Variants in EYS observed in about 807,000 individuals in gnomAD.
EYS encodes EGF-like photoreceptor maintenance factor, also known as protein eyes shut homolog.
EYS carries 250 observed loss-of-function variants against 282.1 expected under a neutral mutation model. That is an observed-to-expected ratio of 0.89 (90% CI 0.80 to 0.98). The LOEUF (loss-of-function observed/expected upper bound fraction) is 0.98, where lower values mean the gene tolerates loss of function less well. Among genes scored for constraint, EYS ranks in the 50% least tolerant of loss-of-function variants. The pLI is 0.00. For missense variants in EYS, 4,016 were observed against 3,709.0 expected (o/e 1.08, Z -2.15); for synonymous variants, 1,355 against 1,282.9 (o/e 1.06, Z -1.20).
intron 29 of EYS, among the ~76,000 whole-genome samples, chr6:64,324,875 A>T (rs1223002410): frequency 6.6e-6 from 1 of 152,198 alleles, no homozygotes; most frequent in African/African-American, 2.4e-5. Flanking sequence ...GTAACCACAA[A>T]GAAAATGAAA....
chr6:65,392,977 G>T (rs558312339), intron 7 of EYS, among the ~76,000 whole-genome samples: 89 of 152,240 alleles, frequency 5.8e-4, no homozygotes, highest in African/African-American at 1.9e-3. Flanking sequence ...ATACACCATG[G>T]AATACTATGC....
chr6:65,494,792 A>G lies in EYS; in HGVS notation c.619T>C (p.Ser207Pro). The G allele has an allele frequency of 6.2e-7, 1 of 1,614,126 alleles. No individual in the cohort carries two copies. Among genetic ancestry groups the G allele is most frequent in the Non-Finnish European group, 8.5e-7 (1 of 1,180,012 alleles). Residue 207 changes from serine (S) to proline (P), a missense_variant, in exon 4 of 43, where the codon TCT becomes CCT. Coordinates refer to ENST00000503581, the MANE Select transcript of EYS (RefSeq NM_001142800.2). ...TCAAGTTCCTGGCAGTATTTTCCAGAAAATGGAGGCTGGCAATGGCAGCTA... is the reference window on the plus strand; with the variant it reads ...TCAAGTTCCTGGCAGTATTTTCCAGGAAATGGAGGCTGGCAATGGCAGCTA... ...TYSCHCQPPF[S>P]GKYCQELDAC...
chr6:65,022,255 C>T (rs555204520), intron 13 of EYS, among the ~76,000 whole-genome samples: 66 of 152,266 alleles, frequency 4.3e-4, no homozygotes, highest in African/African-American at 1.5e-3. Flanking sequence ...CTACAGAACC[C>T]CAGGTGACTA....
chr6:64,076,197 T>C (rs1771765137), intron 32 of EYS, among the ~76,000 whole-genome samples: 1 of 152,022 alleles, frequency 6.6e-6, no homozygotes, highest in Non-Finnish European at 1.5e-5. Flanking sequence ...TTTGTGTTTG[T>C]TTCTATTTAT....
At position 63,742,051 on chromosome 6, in the gene EYS, C is replaced by T. The variant is rs553791817; in HGVS notation, c.8072-15371G>A. On this transcript the variant is annotated intron_variant, in intron 41 of 42. Transcript: ENST00000503581. ...TTATCAGCAGTCTAATATCTTCTGT[C>T]GTGGCAGACACTCTTTGGATCTTTG... The T allele has an allele frequency of 7.3e-6, 5 of 688,952 alleles. No individual in the cohort carries two copies. The East Asian group carries it at 8.1e-5, about 11-fold the overall frequency. The allele number at this position is 688,952 out of a possible 1,614,324, so 42.7% of individuals were successfully genotyped here. A position where few individuals can be genotyped will look rare whatever the true frequency, so the allele number is the denominator to read the frequency against.
At chr6:64,778,311 A>G (rs1042918656) in intron 22 of EYS, among the ~76,000 whole-genome samples, 1 of 152,218 alleles carries the variant, frequency 6.6e-6, no homozygotes, top group Admixed American at 6.5e-5. Flanking sequence ...CAAGGTATTA[A>G]ATAAAATGTT....
intron 26 of EYS, among the ~76,000 whole-genome samples, chr6:64,549,555 C>T (rs1243647703): frequency 6.6e-6 from 1 of 152,048 alleles, no homozygotes; most frequent in Non-Finnish European, 1.5e-5. Flanking sequence ...TTGTTATATT[C>T]CGGGATAAAC....
Position 64,045,861 on chromosome 6 carries a change from A to G in EYS, c.6725+20477T>C, listed in dbSNP as rs533107680. 3.4e-5 allele frequency among the ~76,000 whole-genome samples: 5 copies of G among 149,154 alleles called. No homozygotes were observed. The South Asian group carries it at 6.3e-4, about 19-fold the overall frequency. ...TGCATAGATATGTGTCATGTAATAT[A>G]CACATATGTACCATACATTTTATAT... On this transcript the variant is annotated intron_variant, in intron 33 of 42. Coordinates refer to ENST00000503581, the MANE Select transcript of EYS (RefSeq NM_001142800.2).
At chr6:64,523,483 C>T (rs1777822359) in intron 26 of EYS, among the ~76,000 whole-genome samples, 1 of 151,752 alleles carries the variant, frequency 6.6e-6, no homozygotes, top group African/African-American at 2.4e-5. Context: ...GAAATTTCTA[C>T]ATTTCCCTTG....
intron 12 of EYS, among the ~76,000 whole-genome samples, chr6:65,156,968 CA>C (rs998139734): frequency 3.9e-4 from 59 of 150,948 alleles, no homozygotes; most frequent in African/African-American, 1.3e-3. Flanking sequence ...AATTCTAAAA[CA>C]AAAAATAATG....
At chr6:64,019,873 C>T (rs9444459) in intron 33 of EYS, among the ~76,000 whole-genome samples, 51,932 of 145,948 alleles carry the variant, frequency 0.36, 9,291 homozygotes, top group African/African-American at 0.4. Flanking sequence ...TATATACTTA[C>T]ATATATAAGT....
At chr6:65,305,841 T>C (rs1042538317) in intron 11 of EYS, among the ~76,000 whole-genome samples, 1 of 152,148 alleles carries the variant, frequency 6.6e-6, no homozygotes, top group African/African-American at 2.4e-5. Flanking sequence ...TTGCCCAGTA[T>C]TTATGTGGTG....
chr6:63,926,431 T>C (rs1764717626), intron 35 of EYS, among the ~76,000 whole-genome samples: 1 of 152,234 alleles, frequency 6.6e-6, no homozygotes, highest in Non-Finnish European at 1.5e-5. Flanking sequence ...TAATACCACT[T>C]GGGACTTTTA....
Position 63,984,375 on chromosome 6 carries a change from A to G in EYS, c.7055+8T>C. The G allele has an allele frequency of 6.5e-7, 1 of 1,535,058 alleles. No homozygotes were observed. The highest frequency in any genetic ancestry group is 8.8e-7 in the Non-Finnish European group (1 of 1,132,298). On this transcript the variant is annotated splice_region_variant and intron_variant, in intron 35 of 42. Coordinates refer to ENST00000503581, the MANE Select transcript of EYS (RefSeq NM_001142800.2). Reference sequence around the variant, plus strand: ...ACGTAGGTTGGGAATCAGGAGACTAATACTGACCTGATGCAGGTGCCATTG... The same window carrying G: ...ACGTAGGTTGGGAATCAGGAGACTAGTACTGACCTGATGCAGGTGCCATTG...
At chr6:65,091,271 TAAA>T (rs397887871) in intron 12 of EYS, among the ~76,000 whole-genome samples, 7 of 56,440 alleles carry the variant, frequency 1.2e-4, no homozygotes, top group Non-Finnish European at 1.7e-4. Context: ...CCATCTCCCC[TAAA>T]AAAAAAAAAA....
intron 5 of EYS, among the ~76,000 whole-genome samples, chr6:65,447,966 T>C (rs1015926504): frequency 6.6e-6 from 1 of 152,050 alleles, no homozygotes; most frequent in Non-Finnish European, 1.5e-5. Flanking sequence ...TGTGATGTAG[T>C]GTGTGAATTA....
chr6:64,041,767 A>C (rs527955967), intron 33 of EYS, among the ~76,000 whole-genome samples: 2 of 152,318 alleles, frequency 1.3e-5, no homozygotes, highest in South Asian at 2.1e-4. Context: ...GTTATTTTGA[A>C]ATTTTTGCTG....
In EYS at chr6:65,395,781, T is replaced by C. The variant is rs578174086; in HGVS notation, c.1184+6697A>G. 1.1e-4 allele frequency among the ~76,000 whole-genome samples: 17 copies of C among 152,314 alleles called. No homozygotes were observed. The East Asian group carries it at 1.5e-3, about 14-fold the overall frequency. The stretch of plus-strand genomic sequence containing the variant: ...TCACTTCAAGTATTTACTATTTCTA[T>C]GTCTTGGAAACATTTCAAGTTCTCC... On this transcript the variant is annotated intron_variant, in intron 7 of 42. Coordinates refer to ENST00000503581, the MANE Select transcript of EYS (RefSeq NM_001142800.2).
intron 5 of EYS, among the ~76,000 whole-genome samples, chr6:65,465,753 A>G (rs749241852): frequency 9.9e-5 from 15 of 152,074 alleles, no homozygotes; most frequent in Non-Finnish European, 1.8e-4. Context: ...TGGCCAAGGC[A>G]GGAGGATCAC....
Sources: gnomAD v4.1 joint callset for allele counts (sites outside exome capture counted in the v4.1 genomes callset) on GRCh38, gnomAD v4.1.1 for gene constraint, MANE v1.5 for transcripts, NCBI Gene and HGNC (gene_info 2026-07-23, HGNC 2026-07-21) for gene names.